The following NEO1 variants were observed in gnomAD, a reference collection of about 807,000 sequenced individuals.
NEO1 encodes neogenin.
A neutral mutation model predicts 159.7 loss-of-function variants in NEO1; 63 were observed. That is an observed-to-expected ratio of 0.39 (90% CI 0.32 to 0.49). NEO1 has a LOEUF of 0.49. Among genes scored for constraint, NEO1 ranks in the 20% least tolerant of loss-of-function variants. NEO1 has a pLI of 0.85. For synonymous variants in NEO1, 633 were observed against 662.0 expected, an observed-to-expected ratio of 0.96 and a Z score of 0.67; for missense variants, 1,615 against 1,831.0, an observed-to-expected ratio of 0.88 and a Z score of 2.15.
rs531079073 is a variant in NEO1 at position 73,199,448 on chromosome 15, T to C, written c.1291+21021T>C. On this transcript the variant is annotated intron_variant, in intron 7 of 28. Coordinates refer to ENST00000261908, the MANE Select transcript of NEO1 (RefSeq NM_002499.4). ...TCTACATTTAAGGATTGGAGAGTTA[T>C]GCTCTACCTCCTTGTGGGCTAAGTA... is the stretch of plus-strand genomic sequence containing the variant. 3.9e-5 allele frequency among the ~76,000 whole-genome samples: 6 copies of C among 152,294 alleles called. No homozygotes were observed. The South Asian group carries it at 1.0e-3, about 26-fold the overall frequency.
intron 5 of NEO1, among the ~76,000 whole-genome samples, chr15:73,156,527 G>A (rs2033789600): frequency 6.6e-6 from 1 of 152,172 alleles, no homozygotes; most frequent in Non-Finnish European, 1.5e-5. Context: ...GGTGGTATGG[G>A]CAATGGGAAT....
chr15:73,052,785 G>A lies in NEO1; in HGVS notation c.110G>A (p.Gly37Asp), dbSNP rs1408413213. 3 of 1,150,000 alleles carry A rather than the reference G, an allele frequency of 2.6e-6. No individual in the cohort carries two copies. Among genetic ancestry groups the A allele is most frequent in the Non-Finnish European group, 3.2e-6 (3 of 929,602 alleles). 71.2% of individuals were successfully genotyped at this position (1,150,000 alleles called of 1,614,324 possible). A position where few individuals can be genotyped will look rare whatever the true frequency, so the allele number is the denominator to read the frequency against. Residue 37 changes from glycine to aspartate, a missense_variant, in exon 1 of 29, where the codon GGC becomes GAC. Transcript: ENST00000261908. ...CCGGGCGCCGCGGCCGCCAGGAGCG[G>A]CTCCGCGCCGCAGTCCCCAGGTAAG... The part of the protein sequence containing the change: ...RAPGAAAARS[G>D]SAPQSPGASI...
chr15:73,135,451 AT>A (rs2031643838), intron 4 of NEO1, among the ~76,000 whole-genome samples: 1 of 152,068 alleles, frequency 6.6e-6, no homozygotes, highest in African/African-American at 2.4e-5. Flanking sequence ...CGGATCTAAC[AT>A]TTTGCCCTCT....
At chr15:73,213,856 T>C (rs2037726019) in intron 7 of NEO1, among the ~76,000 whole-genome samples, 1 of 152,180 alleles carries the variant, frequency 6.6e-6, no homozygotes, top group African/African-American at 2.4e-5. Flanking sequence ...CTGTTTTCCA[T>C]AGTGGTTGTA....
chr15:73,264,688 C>G (rs995625285), intron 15 of NEO1, among the ~76,000 whole-genome samples: 1 of 152,162 alleles, frequency 6.6e-6, no homozygotes, highest in Non-Finnish European at 1.5e-5. Flanking sequence ...ATTCATCATC[C>G]TGGAACTCTC....
At chr15:73,191,021 C>T (rs952213958) in intron 7 of NEO1, among the ~76,000 whole-genome samples, 5 of 151,990 alleles carry the variant, frequency 3.3e-5, no homozygotes, top group Non-Finnish European at 7.4e-5. Flanking sequence ...GTAAAATGTG[C>T]TTCAGAACGC....
At chr15:73,264,775 C>T (rs1051661390) in intron 15 of NEO1, among the ~76,000 whole-genome samples, 1 of 152,058 alleles carries the variant, frequency 6.6e-6, no homozygotes, top group Non-Finnish European at 1.5e-5. Context: ...CCATCTGGCC[C>T]AAAATTAAAG....
chr15:73,095,175 C>T (rs1237050903), intron 1 of NEO1, among the ~76,000 whole-genome samples: 4 of 150,900 alleles, frequency 2.7e-5, no homozygotes, highest in South Asian at 2.1e-4. Context: ...TGCCACTGCA[C>T]TCCAGCCTGG....
intron 23 of NEO1, among the ~76,000 whole-genome samples, chr15:73,283,452 G>A (rs1345434362): frequency 1.3e-5 from 2 of 152,246 alleles, no homozygotes; most frequent in East Asian, 3.9e-4. Flanking sequence ...TCAGAAATCT[G>A]AAGCAGTAGG....
rs370710403 is a variant in NEO1, at chr15:73,152,060, T to TATAA, written c.1015+16045_1015+16048dup. ...GCCAATAGGAAGCATAAGTTTTCCA[T>TATAA]ATAAATAAATAAATACATAAATACA... On this transcript the variant is annotated intron_variant, in intron 5 of 28. Coordinates refer to ENST00000261908, the MANE Select transcript of NEO1 (RefSeq NM_002499.4). 5.3e-3 allele frequency among the ~76,000 whole-genome samples: 804 copies of TATAA among 152,304 alleles called. 10 individuals are homozygous for TATAA. The highest frequency in any genetic ancestry group is 0.019 in the African/African-American group (775 of 41,570).
chr15:73,242,957 C>A (rs2039569429), intron 8 of NEO1, among the ~76,000 whole-genome samples: 1 of 152,136 alleles, frequency 6.6e-6, no homozygotes, highest in Non-Finnish European at 1.5e-5. Flanking sequence ...AGCTGTACTT[C>A]CCTTTAAGAC....
In NEO1 at chr15:73,116,606, G is replaced by A; in HGVS notation, c.197G>A (p.Arg66Lys). The A allele has an allele frequency of 6.2e-7, 1 of 1,606,780 alleles. No homozygotes were observed. The highest frequency in any genetic ancestry group is 1.1e-5 in the South Asian group (1 of 89,334). Residue 66 changes from arginine to lysine, a missense_variant, in exon 2 of 29, where the codon AGA (arginine) becomes AAA (lysine). Physicochemically the swap from Arg to Lys is conservative, Grantham distance 26. Coordinates refer to ENST00000261908, the MANE Select transcript of NEO1 (RefSeq NM_002499.4). Reference sequence around the variant, plus strand: ...GAGCCGGTGGATACACTCTCAGTTAGAGGCTCTTCTGTTATATTAAACTGT... The same window carrying A: ...GAGCCGGTGGATACACTCTCAGTTAAAGGCTCTTCTGTTATATTAAACTGT... ...LVEPVDTLSV[R>K]GSSVILNCSA...
At chr15:73,265,955 G>T (rs982862763) in intron 15 of NEO1, among the ~76,000 whole-genome samples, 2 of 152,198 alleles carry the variant, frequency 1.3e-5, no homozygotes, top group African/African-American at 4.8e-5. Context: ...AATGAAAGGG[G>T]TTTGTTTAAT....
rs369330185 is a variant in NEO1 at position 73,216,239 on chromosome 15, G to A, written c.1292-20108G>A. ...AGAATGATGATTTCTAATTTCATCC[G>A]TGTCCCTACAAAAGACATGAACTCA... On this transcript the variant is annotated intron_variant, in intron 7 of 28. Coordinates refer to ENST00000261908, the MANE Select transcript of NEO1 (RefSeq NM_002499.4). Among the ~76,000 whole-genome samples, 125 of 152,162 alleles carry A rather than the reference G, an allele frequency of 8.2e-4. 1 individual carries two copies. The highest frequency in any genetic ancestry group is 2.7e-3 in the African/African-American group (111 of 41,506).
chr15:73,288,113 CA>C (rs1382333522), intron 23 of NEO1, among the ~76,000 whole-genome samples, 199 bp from the exon 24 acceptor site: 1 of 152,078 alleles, frequency 6.6e-6, no homozygotes, highest in Non-Finnish European at 1.5e-5. Context: ...TATGTGTGGA[CA>C]AAATAGAGAT....
chr15:73,258,504 C>G (rs2040469817), intron 13 of NEO1, among the ~76,000 whole-genome samples: 1 of 152,190 alleles, frequency 6.6e-6, no homozygotes, highest in Non-Finnish European at 1.5e-5. Flanking sequence ...AGCTCTTAAA[C>G]AAAAGTCTGT....
At chr15:73,173,874 TGGATCACCTGAGG>T (rs964508286) in intron 5 of NEO1, among the ~76,000 whole-genome samples, 4 of 151,902 alleles carry the variant, frequency 2.6e-5, no homozygotes, top group African/African-American at 9.7e-5. Context: ...CCGAGGCAGG[TGGATCACCTGAGG>T]TCAGGAGTTC....
chr15:73,266,430 C>T lies in NEO1; in HGVS notation c.2494+19C>T, dbSNP rs749059409. 6.3e-7 allele frequency: 1 copy of T among 1,582,300 alleles called. No individual in the cohort carries two copies. The highest frequency in any genetic ancestry group is 1.1e-5 in the South Asian group (1 of 87,900). On this transcript the variant is annotated intron_variant, in intron 16 of 28. Coordinates refer to ENST00000261908, the MANE Select transcript of NEO1 (RefSeq NM_002499.4). ...CACACAGGTAAGGTATCCTATCTTT[C>T]CTAGTCTCCAGCACTTTTCCTAGCA...
At chr15:73,170,328 AG>A (rs1457437482) in intron 5 of NEO1, among the ~76,000 whole-genome samples, 4 of 152,204 alleles carry the variant, frequency 2.6e-5, no homozygotes, top group Admixed American at 6.5e-5. Flanking sequence ...TTTTGGCTTG[AG>A]ATACAGATGT....
Sources: gnomAD v4.1 joint callset for allele counts (sites outside exome capture counted in the v4.1 genomes callset) on GRCh38, gnomAD v4.1.1 for gene constraint, MANE v1.5 for transcripts, NCBI Gene and HGNC (gene_info 2026-07-23, HGNC 2026-07-21) for gene names.